AGMO: variants seen among roughly 807,000 people sequenced by gnomAD.
AGMO encodes the protein alkylglycerol monooxygenase.
A neutral mutation model predicts 60.2 loss-of-function variants in AGMO; 75 were observed. The ratio of observed to expected loss-of-function variants is 1.25; its 90% CI spans 1.03 to 1.51. The LOEUF (loss-of-function observed/expected upper bound fraction) is 1.51, where lower values mean the gene tolerates loss of function less well. Among genes scored for constraint, AGMO ranks in the 40% most tolerant of loss-of-function variants. AGMO has a pLI of 0.00. For missense variants in AGMO, 763 were observed against 525.5 expected, an observed-to-expected ratio of 1.45 and a Z score of -4.42; for synonymous variants, 261 against 177.1, an observed-to-expected ratio of 1.47 and a Z score of -3.76.
chr7:15,456,410 G>T (rs1340136736), intron 3 of AGMO, among the ~76,000 whole-genome samples: 1 of 152,072 alleles, frequency 6.6e-6, no homozygotes, highest in African/African-American at 2.4e-5. Context: ...ACATCAGGAA[G>T]AAGTCTTCCT....
intron 10 of AGMO, among the ~76,000 whole-genome samples, chr7:15,378,230 CACAT>C (rs1583478845): frequency 2.6e-5 from 4 of 151,974 alleles, no homozygotes; most frequent in Non-Finnish European, 4.4e-5. Context: ...GGACAGACAG[CACAT>C]ACAAACTTAT....
chr7:15,244,810 CG>C (rs1360886292), intron 12 of AGMO, among the ~76,000 whole-genome samples: 139 of 152,076 alleles, frequency 9.1e-4, no homozygotes, highest in Non-Finnish European at 1.4e-3. Context: ...CGCCACCATG[CG>C]TGGCTAATTT....
chr7:15,306,102 C>T (rs1266321409), intron 12 of AGMO: 1 of 152,442 alleles, frequency 6.6e-6, no homozygotes, highest in Non-Finnish European at 1.5e-5. Context: ...TAACAGATTG[C>T]ATCCTTCAAT....
In AGMO at chr7:15,462,781, T is replaced by C. The variant is rs139619768; in HGVS notation, c.410-31673A>G. On this transcript the variant is annotated intron_variant, in intron 3 of 12. Transcript: ENST00000342526. ...AATCAATATACCAAATAGAGAAATA[T>C]TGATTCATAAATGAATCCATGCAAA... is the stretch of plus-strand genomic sequence containing the variant. 8.0e-3 allele frequency among the ~76,000 whole-genome samples: 1,221 copies of C among 152,272 alleles called. 18 individuals carry two copies. Among genetic ancestry groups the C allele is most frequent in the South Asian group, 0.04 (193 of 4,824 alleles).
At chr7:15,322,943 T>C (rs1438138258) in intron 12 of AGMO, among the ~76,000 whole-genome samples, 1 of 143,726 alleles carries the variant, frequency 7.0e-6, no homozygotes, top group African/African-American at 2.5e-5. Flanking sequence ...TGTGTGTGTG[T>C]GCATATATAT....
chr7:15,395,044 GAAT>G (rs1266506984), intron 5 of AGMO, among the ~76,000 whole-genome samples: 6 of 152,118 alleles, frequency 3.9e-5, no homozygotes, highest in African/African-American at 7.2e-5. Flanking sequence ...TATGTTACAT[GAAT>G]AATACTGGAC....
At chr7:15,180,217 C>A in the AGMO span, among the ~76,000 whole-genome samples, 180 of 152,246 alleles carry the variant, frequency 1.2e-3, no homozygotes, top group Middle Eastern at 3.4e-3. Context: ...ACAAATTTTT[C>A]AAATCTTTCT....
At chr7:15,275,690 A>C (rs549875376) in intron 12 of AGMO, among the ~76,000 whole-genome samples, 1 of 152,242 alleles carries the variant, frequency 6.6e-6, no homozygotes, top group African/African-American at 2.4e-5. Flanking sequence ...TAGGTTAAGT[A>C]GTATTTATTT....
intron 2 of AGMO, among the ~76,000 whole-genome samples, chr7:15,546,869 C>A (rs558005850): frequency 6.6e-6 from 1 of 152,290 alleles, no homozygotes; most frequent in South Asian, 2.1e-4. Flanking sequence ...CCACTGCTGA[C>A]ATTTGGACAG....
chr7:15,289,952 T>C (rs1425735005), intron 12 of AGMO, among the ~76,000 whole-genome samples: 1 of 145,790 alleles, frequency 6.9e-6, no homozygotes, highest in East Asian at 2.0e-4. Context: ...TCTTTTTTTT[T>C]TTTTTTTTTT....
intron 3 of AGMO, among the ~76,000 whole-genome samples, chr7:15,487,758 T>G (rs896239504): frequency 6.6e-6 from 1 of 151,986 alleles, no homozygotes; most frequent in African/African-American, 2.4e-5. Context: ...AAAAAACACA[T>G]AAAATGGGCA....
chr7:15,299,453 C>T (rs1278144275), intron 12 of AGMO, among the ~76,000 whole-genome samples: 1 of 152,134 alleles, frequency 6.6e-6, no homozygotes, highest in African/African-American at 2.4e-5. Context: ...AGCACCTAAT[C>T]TATGAGTACT....
intron 3 of AGMO, among the ~76,000 whole-genome samples, chr7:15,459,183 G>A (rs1001318839): frequency 6.6e-6 from 1 of 152,040 alleles, no homozygotes; most frequent in Non-Finnish European, 1.5e-5. Context: ...ACACACACAC[G>A]GGTTTCGTCA....
At chr7:15,515,868 G>A (rs768818555) in intron 3 of AGMO, among the ~76,000 whole-genome samples, 2 of 152,198 alleles carry the variant, frequency 1.3e-5, no homozygotes, top group Non-Finnish European at 2.9e-5. Context: ...GTTTAGTACT[G>A]TAGACAGGGT....
chr7:15,333,283 C>T (rs1251218357), intron 12 of AGMO, among the ~76,000 whole-genome samples: 1 of 152,088 alleles, frequency 6.6e-6, no homozygotes, highest in Non-Finnish European at 1.5e-5. Flanking sequence ...TTCTTCCCCA[C>T]ACACATGAAA....
Position 15,204,457 on chromosome 7 carries a change from ACTT to A in AGMO, c.1264-3101_1264-3099del, listed in dbSNP as rs77889244. Among the ~76,000 whole-genome samples the A allele has an allele frequency of 8.8e-3, 1,346 of 152,278 alleles. 17 individuals are homozygous for A. The highest frequency in any genetic ancestry group is 9.5e-3 in the Non-Finnish European group (644 of 68,014). Reference sequence around the variant, plus strand: ...GTGAAAGAATAGATGAAAACTGTAGACTTCTTATTTTGCAATATTTGTCTCTAA... The same window carrying A: ...GTGAAAGAATAGATGAAAACTGTAGACTTATTTTGCAATATTTGTCTCTAA... On this transcript the variant is annotated intron_variant, in intron 12 of 12. Coordinates refer to ENST00000342526, the MANE Select transcript of AGMO (RefSeq NM_001004320.2).
chr7:15,436,389 T>C (rs1781406066), intron 3 of AGMO, among the ~76,000 whole-genome samples: 1 of 152,192 alleles, frequency 6.6e-6, no homozygotes, highest in African/African-American at 2.4e-5. Context: ...GAACGTTGTA[T>C]TTTCCCAAGG....
At chr7:15,475,169 T>G (rs1279854948) in intron 3 of AGMO, among the ~76,000 whole-genome samples, 6 of 152,172 alleles carry the variant, frequency 3.9e-5, no homozygotes, top group Admixed American at 3.9e-4. Context: ...AAATACCTTT[T>G]GTCCAAGGAA....
rs188740286 is a variant in AGMO at position 15,434,125 on chromosome 7, C to A, written c.410-3017G>T. ...CCTTTTTGTGGTTGTGGTAGTCAGA[C>A]TTCAAGATGGCTCCCTGCTTCAGAT... On this transcript the variant is annotated intron_variant, in intron 3 of 12. Coordinates refer to ENST00000342526, the MANE Select transcript of AGMO (RefSeq NM_001004320.2). Among the ~76,000 whole-genome samples, 1,183 of 152,114 alleles carry A rather than the reference C, an allele frequency of 7.8e-3. 8 individuals carry two copies. Among genetic ancestry groups the A allele is most frequent in the Non-Finnish European group, 0.011 (736 of 67,972 alleles).
Sources: allele counts gnomAD v4.1 joint callset (sites outside exome capture counted in the v4.1 genomes callset), GRCh38; gene constraint gnomAD v4.1.1; transcripts MANE v1.5; gene names NCBI Gene and HGNC (gene_info 2026-07-23, HGNC 2026-07-21).